The following GRIA4 variants were observed in gnomAD, a reference collection of about 807,000 sequenced individuals.
GRIA4 encodes glutamate receptor 4.
Under a neutral mutation model 104.0 loss-of-function variants are expected in GRIA4, and 34 were observed. The observed-to-expected ratio is 0.33, with a 90% CI of 0.25 to 0.44. The LOEUF (loss-of-function observed/expected upper bound fraction) is 0.44. Among genes scored for constraint, GRIA4 ranks in the 20% least tolerant of loss-of-function variants. The pLI, the probability that GRIA4 is intolerant of heterozygous loss-of-function variation, is 1.00. For synonymous variants in GRIA4, 386 were observed against 381.9 expected (o/e 1.01, Z -0.13); for missense variants, 750 against 1,096.5 (o/e 0.68, Z 4.46).
At chr11:105,666,406 A>G (rs1263991122) in intron 3 of GRIA4, among the ~76,000 whole-genome samples, 1 of 151,984 alleles carries the variant, frequency 6.6e-6, no homozygotes, top group Non-Finnish European at 1.5e-5. Flanking sequence ...CATTTTATCA[A>G]AGATGCTATC....
At chr11:105,823,830 A>AC (rs1181547718) in intron 4 of GRIA4, among the ~76,000 whole-genome samples, 5 of 151,954 alleles carry the variant, frequency 3.3e-5, no homozygotes, top group African/African-American at 1.2e-4. Flanking sequence ...TGTAAGCCTA[A>AC]CCCCCCGTAC....
intron 13 of GRIA4, among the ~76,000 whole-genome samples, chr11:105,931,235 G>A (rs1813664543): frequency 6.7e-6 from 1 of 149,974 alleles, no homozygotes; most frequent in South Asian, 2.1e-4. Flanking sequence ...TGAGGATTCT[G>A]TTGCCAGAAG....
intron 3 of GRIA4, among the ~76,000 whole-genome samples, chr11:105,649,312 C>T (rs1262380397): frequency 2.0e-5 from 3 of 151,868 alleles, no homozygotes; most frequent in Admixed American, 6.6e-5. Flanking sequence ...CTAAATATCT[C>T]GGAGAATGTT....
rs116276410 is a variant in GRIA4, at chr11:105,719,539, G to T, written c.248-33442G>T. On this transcript the variant is annotated intron_variant, in intron 3 of 16. Coordinates refer to ENST00000282499, the MANE Select transcript of GRIA4 (RefSeq NM_000829.4). ...GCTGAGCTTATGTAGTCCAGGATAT[G>T]ACACAGCAGGCAGCAGGACCCTACA... Among the ~76,000 whole-genome samples the T allele has an allele frequency of 3.0e-3, 453 of 152,246 alleles. 7 individuals are homozygous for T. The highest frequency in any genetic ancestry group is 0.011 in the African/African-American group (445 of 41,550).
chr11:105,743,667 C>A (rs1008356084), intron 3 of GRIA4, among the ~76,000 whole-genome samples: 2 of 152,174 alleles, frequency 1.3e-5, no homozygotes, highest in African/African-American at 4.8e-5. Context: ...TCAAACTCAA[C>A]ATGTCCAAAA....
intron 3 of GRIA4, among the ~76,000 whole-genome samples, chr11:105,735,088 C>T (rs1033869648): frequency 1.1e-4 from 17 of 152,070 alleles, no homozygotes; most frequent in African/African-American, 3.9e-4. Flanking sequence ...ACCTAAAATA[C>T]AATACGCAAA....
chr11:105,965,472 G>A (rs923251544), intron 14 of GRIA4, among the ~76,000 whole-genome samples: 3 of 151,708 alleles, frequency 2.0e-5, no homozygotes, highest in Non-Finnish European at 2.9e-5. Flanking sequence ...AATAAAGGGA[G>A]TAATAATTAC....
chr11:105,977,758 C>A (rs915118409), intron 16 of GRIA4, among the ~76,000 whole-genome samples: 1 of 151,960 alleles, frequency 6.6e-6, no homozygotes, highest in Non-Finnish European at 1.5e-5. Context: ...TATACACACA[C>A]CCAAAACATA....
chr11:105,763,029 G>T lies in GRIA4; in HGVS notation c.487+9809G>T, dbSNP rs527890159. 3.3e-5 allele frequency among the ~76,000 whole-genome samples: 5 copies of T among 152,248 alleles called. No individual in the cohort carries two copies. The South Asian group carries it at 1.0e-3, about 32-fold the overall frequency. Reference sequence around the variant, plus strand: ...AGGAGTCATGTTTCAGTGCTTGGTTGGTTTATACATGGTGCTAACTTAAGT... The same window carrying T: ...AGGAGTCATGTTTCAGTGCTTGGTTTGTTTATACATGGTGCTAACTTAAGT... On this transcript the variant is annotated intron_variant, in intron 4 of 16. Transcript: ENST00000282499.
intron 3 of GRIA4, among the ~76,000 whole-genome samples, chr11:105,657,802 G>A (rs1951887748): frequency 6.6e-6 from 1 of 151,706 alleles, no homozygotes; most frequent in Non-Finnish European, 1.5e-5. Context: ...TGGAATTAGA[G>A]GAACTCATGT....
intron 3 of GRIA4, among the ~76,000 whole-genome samples, chr11:105,698,964 A>G (rs1211012895): frequency 6.6e-6 from 1 of 152,142 alleles, no homozygotes; most frequent in Non-Finnish European, 1.5e-5. Context: ...GAGCTACCCA[A>G]TTGCTGAATA....
chr11:105,830,610 G>T (rs1411443746), intron 4 of GRIA4, among the ~76,000 whole-genome samples: 2 of 152,120 alleles, frequency 1.3e-5, no homozygotes, highest in East Asian at 1.9e-4. Flanking sequence ...ATAGTAGGTG[G>T]TCTACTTATG....
At chr11:105,703,189 G>C (rs1953567172) in intron 3 of GRIA4, among the ~76,000 whole-genome samples, 2 of 152,092 alleles carry the variant, frequency 1.3e-5, no homozygotes, top group South Asian at 4.1e-4. Context: ...AGTACAGTTA[G>C]ATAATAAAAC....
intron 14 of GRIA4, among the ~76,000 whole-genome samples, chr11:105,964,197 G>C (rs1159592824): frequency 6.6e-6 from 1 of 152,114 alleles, no homozygotes; most frequent in Non-Finnish European, 1.5e-5. Context: ...GTCACATTAG[G>C]AAGTACATGC....
At chr11:105,752,308 C>T (rs989878875) in intron 3 of GRIA4, among the ~76,000 whole-genome samples, 9 of 151,986 alleles carry the variant, frequency 5.9e-5, no homozygotes, top group South Asian at 2.1e-4. Flanking sequence ...CTTTTCGGCC[C>T]GCCTACAACA....
In GRIA4 at chr11:105,753,086, T is replaced by G; in HGVS notation, c.353T>G (p.Ile118Ser). The G allele has an allele frequency of 6.2e-7, 1 of 1,613,866 alleles. No homozygotes were observed. ...SFCSALHISLITPSFPTEGES... is the reference protein window; with the variant it reads ...SFCSALHISLSTPSFPTEGES... ...TGCAGCGCCTTACATATCTCCCTCA[T>G]CACACCAAGTTTCCCTACTGAGGGG... The change falls in exon 4 of 17, where the codon ATC (isoleucine) becomes AGC (serine). Residue 118 changes from isoleucine to serine, a missense_variant. Ile to Ser is a moderately radical substitution (Grantham distance 142). Transcript: ENST00000282499.
At chr11:105,963,081 ATCTGCTT>A (rs745982157) in intron 14 of GRIA4, among the ~76,000 whole-genome samples, 13 of 152,080 alleles carry the variant, frequency 8.5e-5, no homozygotes, top group Non-Finnish European at 1.5e-4. Flanking sequence ...TGCAGCGAGT[ATCTGCTT>A]TCTACACCCC....
intron 3 of GRIA4, among the ~76,000 whole-genome samples, chr11:105,615,283 T>C (rs904551189): frequency 6.6e-5 from 10 of 151,928 alleles, no homozygotes; most frequent in Non-Finnish European, 1.2e-4. Context: ...CTAAGAATAC[T>C]ATGGTAACAT....
At chr11:105,867,714 A>G (rs1478500479) in intron 5 of GRIA4, among the ~76,000 whole-genome samples, 2 of 152,216 alleles carry the variant, frequency 1.3e-5, no homozygotes, top group African/African-American at 4.8e-5. Context: ...CCTCAAAAAC[A>G]GAAGAGACAG....
Sources: gnomAD v4.1 joint callset for allele counts (sites outside exome capture counted in the v4.1 genomes callset) on GRCh38, gnomAD v4.1.1 for gene constraint, MANE v1.5 for transcripts, NCBI Gene and HGNC (gene_info 2026-07-23, HGNC 2026-07-21) for gene names.